Variants in FAM174B observed in about 807,000 individuals in gnomAD.
FAM174B encodes membrane protein FAM174B.
A neutral mutation model predicts 10.9 loss-of-function variants in FAM174B; 12 were observed. The ratio of observed to expected loss-of-function variants is 1.10; its 90% CI spans 0.71 to 1.79. The LOEUF (loss-of-function observed/expected upper bound fraction) is 1.79. FAM174B is among the 40% of genes most tolerant of loss of function. The probability of loss-of-function intolerance (pLI) is 0.00; values close to 1 mark genes in which losing one functional copy is unlikely to be tolerated. For missense variants in FAM174B, 266 were observed against 233.3 expected, an observed-to-expected ratio of 1.14 and a Z score of -0.91; for synonymous variants, 132 against 115.8, an observed-to-expected ratio of 1.14 and a Z score of -0.90.
chr15:92,655,017 A>G, intron 1 of FAM174B: 2 of 252,504 alleles, frequency 7.9e-6, no homozygotes, highest in Non-Finnish European at 1.5e-5. Flanking sequence ...CGCTGTCAGA[A>G]TTCAGAGCGC....
At chr15:92,619,567 CCA>C in intron 2 of FAM174B, 108 bp from the exon 3 acceptor site, 8 of 1,276,494 alleles carry the variant, frequency 6.3e-6, no homozygotes, top group Non-Finnish European at 8.8e-6. Flanking sequence ...AGTGAAAAGG[CCA>C]CAGTCCCCAG....
intron 2 of FAM174B, among the ~76,000 whole-genome samples, chr15:92,626,146 C>T (rs1404308176): frequency 1.9e-4 from 10 of 51,602 alleles, no homozygotes; most frequent in East Asian, 2.0e-3. Flanking sequence ...GAGACCAGGC[C>T]GGAGTGCACT....
At chr15:92,649,195 A>G (rs924966961) in intron 1 of FAM174B, among the ~76,000 whole-genome samples, 2 of 152,234 alleles carry the variant, frequency 1.3e-5, no homozygotes, top group Admixed American at 6.5e-5. Context: ...GTAATGCCAT[A>G]TAAGTCAGGA....
At chr15:92,643,004 G>C (rs1463266687) in intron 1 of FAM174B, among the ~76,000 whole-genome samples, 1 of 152,204 alleles carries the variant, frequency 6.6e-6, no homozygotes, top group Non-Finnish European at 1.5e-5. Context: ...AAAATTCAGA[G>C]ACACATAGAG....
intron 1 of FAM174B, among the ~76,000 whole-genome samples, chr15:92,632,961 T>G (rs1596298148): frequency 6.6e-6 from 1 of 152,288 alleles, no homozygotes; most frequent in East Asian, 1.9e-4. Context: ...GGCTGGAAGG[T>G]CTAGGACGCC....
In FAM174B at chr15:92,618,054, A is replaced by G. The variant is rs1300123847; in HGVS notation, c.*1402T>C. The G allele has an allele frequency of 4.2e-6, 1 of 240,400 alleles. No individual in the cohort carries two copies. The highest frequency in any genetic ancestry group is 2.2e-5 in the African/African-American group (1 of 44,706). The allele number at this position is 240,400 out of a possible 1,614,324, so 14.9% of individuals were successfully genotyped here. ...CAGAAAACTGAAGAACCGAAGATGG[A>G]GGTGAGTCAGGAAAGGCTGGAGTTT... On this transcript the variant is annotated 3_prime_UTR_variant, in exon 3 of 3. Coordinates refer to ENST00000327355, the MANE Select transcript of FAM174B (RefSeq NM_207446.3).
chr15:92,627,283 C>T (rs1364032894), intron 2 of FAM174B: 1 of 159,776 alleles, frequency 6.3e-6, no homozygotes, highest in Non-Finnish European at 1.5e-5. Flanking sequence ...TTAACACCTA[C>T]CAGGTGGTTT....
intron 1 of FAM174B, among the ~76,000 whole-genome samples, chr15:92,643,673 T>C (rs1345682878): frequency 6.6e-6 from 1 of 152,118 alleles, no homozygotes; most frequent in East Asian, 1.9e-4. Context: ...GGCCCACCCA[T>C]GGCTGACTCC....
At chr15:92,655,129 A>T in intron 1 of FAM174B, 187 bp downstream of exon 1, 1 of 670,948 alleles carries the variant, frequency 1.5e-6, no homozygotes, top group Non-Finnish European at 2.2e-6. Flanking sequence ...TAAAACATGT[A>T]CCAGGAAAAT....
At chr15:92,643,140 T>G (rs947779508) in intron 1 of FAM174B, among the ~76,000 whole-genome samples, 1 of 107,908 alleles carries the variant, frequency 9.3e-6, no homozygotes, top group Non-Finnish European at 2.3e-5. Flanking sequence ...TTATTTGTTT[T>G]TTTTTTTTAA....
intron 1 of FAM174B, among the ~76,000 whole-genome samples, chr15:92,651,502 T>G (rs1393833316): frequency 6.6e-6 from 1 of 152,244 alleles, no homozygotes; most frequent in Admixed American, 6.5e-5. Flanking sequence ...ATCTGCACAT[T>G]CGTATATACA....
chr15:92,652,661 T>C (rs893512286), intron 1 of FAM174B, among the ~76,000 whole-genome samples: 1 of 152,106 alleles, frequency 6.6e-6, no homozygotes, highest in African/African-American at 2.4e-5. Context: ...ACAGATATTA[T>C]TGCAATTCAG....
chr15:92,650,060 T>C (rs1458598060), intron 1 of FAM174B, among the ~76,000 whole-genome samples: 1 of 152,344 alleles, frequency 6.6e-6, no homozygotes, highest in East Asian at 1.9e-4. Context: ...TTTACTAAAA[T>C]AATATTGATA....
intron 2 of FAM174B, among the ~76,000 whole-genome samples, chr15:92,629,376 T>G (rs1329154575): frequency 6.6e-6 from 1 of 152,168 alleles, no homozygotes; most frequent in Non-Finnish European, 1.5e-5. Context: ...ATTCTGACTT[T>G]CCTAGAGAAA....
Position 92,650,544 on chromosome 15 carries a change from C to A in FAM174B, c.344+4772G>T, listed in dbSNP as rs1328495534. Among the ~76,000 whole-genome samples the A allele has an allele frequency of 3.9e-5, 6 of 152,300 alleles. No homozygotes were observed. In the South Asian group the frequency reaches 1.2e-3, roughly 32 times the overall value. On this transcript the variant is annotated intron_variant, in intron 1 of 2. Coordinates refer to ENST00000327355, the MANE Select transcript of FAM174B (RefSeq NM_207446.3). ...GAAAGGATCCCCAGGATGAAAGGAA[C>A]GTTGTGGTTTCGAGGTGGCAGGGTT...
chr15:92,652,493 C>T (rs1486197262), intron 1 of FAM174B, among the ~76,000 whole-genome samples: 1 of 152,120 alleles, frequency 6.6e-6, no homozygotes, highest in Admixed American at 6.6e-5. Context: ...AGGGAGGCAG[C>T]ACCCTGATCT....
intron 1 of FAM174B, among the ~76,000 whole-genome samples, chr15:92,632,857 G>A (rs1377145423): frequency 1.3e-5 from 2 of 152,210 alleles, no homozygotes; most frequent in East Asian, 3.9e-4. Context: ...ATGGTAGAGG[G>A]TCACTGTGGG....
intron 1 of FAM174B, among the ~76,000 whole-genome samples, chr15:92,645,797 G>A (rs285770): frequency 0.8 from 120,941 of 151,968 alleles, 49,181 homozygotes; most frequent in Non-Finnish European, 0.89. Context: ...GGCACATGTC[G>A]TAAGGGGCCC....
At chr15:92,633,653 A>T (rs993338849) in intron 1 of FAM174B, among the ~76,000 whole-genome samples, 1 of 152,208 alleles carries the variant, frequency 6.6e-6, no homozygotes, top group African/African-American at 2.4e-5. Context: ...AAGCCTGGTG[A>T]TAAGAGGATA....
Sources: allele counts gnomAD v4.1 joint callset (sites outside exome capture counted in the v4.1 genomes callset), GRCh38; gene constraint gnomAD v4.1.1; transcripts MANE v1.5; gene names NCBI Gene and HGNC (gene_info 2026-07-23, HGNC 2026-07-21).